Variants in ADAMTSL2 observed in about 807,000 individuals in gnomAD.
The protein encoded by ADAMTSL2 is ADAMTS like 2, also known as ADAMTS-like protein 2.
Under a neutral mutation model 117.0 loss-of-function variants are expected in ADAMTSL2, and 55 were observed. That is an observed-to-expected ratio of 0.47 (90% CI 0.38 to 0.59). The LOEUF is 0.59. Among genes scored for constraint, ADAMTSL2 ranks in the 20% least tolerant of loss-of-function variants. ADAMTSL2 has a pLI of 0.00. For synonymous variants in ADAMTSL2, 572 were observed against 566.4 expected (o/e 1.01, Z -0.14); for missense variants, 1,182 against 1,354.5 (o/e 0.87, Z 2.00).
chr9:133,565,834 C>T (rs956588200), intron 12 of ADAMTSL2, among the ~76,000 whole-genome samples: 4 of 145,098 alleles, frequency 2.8e-5, no homozygotes, highest in Admixed American at 7.1e-5. Flanking sequence ...GTCTGTCTCC[C>T]GTGGCCACAC....
intron 9 of ADAMTSL2, among the ~76,000 whole-genome samples, chr9:133,552,009 T>C (rs1243741135): frequency 6.6e-6 from 1 of 151,894 alleles, no homozygotes; most frequent in Non-Finnish European, 1.5e-5. Flanking sequence ...TTTGTACTTT[T>C]AGTAGAGATG....
At chr9:133,565,331 A>G (rs1236958529) in intron 12 of ADAMTSL2, among the ~76,000 whole-genome samples, 1 of 152,170 alleles carries the variant, frequency 6.6e-6, no homozygotes, top group Non-Finnish European at 1.5e-5. Context: ...ACGTCACCCC[A>G]GGGAGGCACT....
At position 133,539,783 on chromosome 9, in the gene ADAMTSL2, G is replaced by T; in HGVS notation, c.322G>T (p.Asp108Tyr). The T allele has an allele frequency of 6.7e-7, 1 of 1,497,394 alleles. No homozygotes were observed. The highest frequency in any genetic ancestry group is 8.9e-7 in the Non-Finnish European group (1 of 1,121,676). The allele number at this position is 1,497,394 out of a possible 1,614,324, so 92.8% of individuals were successfully genotyped here. The change falls in exon 5 of 19, where the codon GAC becomes TAC. Residue 108 changes from aspartate (D) to tyrosine (Y), a missense_variant. Physicochemically the swap from Asp to Tyr is radical, Grantham distance 160 (BLOSUM62 -3). This residue lies in a region of ADAMTSL2 where 372 missense variants were observed against 463.4 expected (regional missense o/e 0.80). Coordinates refer to ENST00000651351, the MANE Select transcript of ADAMTSL2 (RefSeq NM_014694.4). ...QLCRVQECPP[D>Y]GRSFREEQCV... Reference sequence around the variant, plus strand: ...CTTCGCTTCCCAGGAGTGTCCGCCGGACGGGAGGAGCTTCCGCGAGGAGCA... The same window carrying T: ...CTTCGCTTCCCAGGAGTGTCCGCCGTACGGGAGGAGCTTCCGCGAGGAGCA...
At chr9:133,564,896 C>T (rs1830927705) in intron 12 of ADAMTSL2, among the ~76,000 whole-genome samples, 8 of 152,230 alleles carry the variant, frequency 5.3e-5, no homozygotes, top group East Asian at 1.9e-4. Context: ...TCCTGTGCCT[C>T]GCAAGAACCC....
chr9:133,537,318 C>T (rs1049523796), intron 2 of ADAMTSL2, 87 bp from the exon 3 acceptor site: 27 of 1,289,590 alleles, frequency 2.1e-5, no homozygotes, highest in South Asian at 1.2e-4. Flanking sequence ...GTCCCGCTGA[C>T]GGTGATACCC....
chr9:133,532,219 C>T (rs1029302951), upstream of ADAMTSL2: 4 of 152,012 alleles, frequency 2.6e-5, no homozygotes, highest in Admixed American at 1.3e-4. Flanking sequence ...CTTTTTGAGA[C>T]GGAATCTCAC....
At chr9:133,546,423 G>T (rs116400389) in intron 8 of ADAMTSL2, among the ~76,000 whole-genome samples, 3,478 of 150,876 alleles carry the variant, frequency 0.023, 61 homozygotes, top group Middle Eastern at 0.088. Flanking sequence ...GGACCAGGCC[G>T]CCCTGGCCTG....
At chr9:133,562,931 G>T (rs1261488189) in intron 12 of ADAMTSL2, among the ~76,000 whole-genome samples, 22 of 91,206 alleles carry the variant, frequency 2.4e-4, no homozygotes, top group African/African-American at 3.5e-4. Flanking sequence ...GGTGGGCACC[G>T]GCTTGGCCAG....
In ADAMTSL2 at chr9:133,559,430, G is replaced by A. The variant is rs1316088869; in HGVS notation, c.1650-1768G>A. Among the ~76,000 whole-genome samples the A allele has an allele frequency of 3.5e-4, 47 of 133,402 alleles. No individual in the cohort carries two copies. In the East Asian group the frequency reaches 8.7e-3, roughly 25 times the overall value. 87.5% of individuals were successfully genotyped at this position (133,402 alleles called of 152,430 possible). A position where few individuals can be genotyped will look rare whatever the true frequency, so the allele number is the denominator to read the frequency against. On this transcript the variant is annotated intron_variant, in intron 11 of 18. Coordinates refer to ENST00000651351, the MANE Select transcript of ADAMTSL2 (RefSeq NM_014694.4). Reference sequence around the variant, plus strand: ...GTGATCTCGGCTCACTGCAAGCTCTGCCTCCCAGGTTCATGCCATTCTCTT... The same window carrying A: ...GTGATCTCGGCTCACTGCAAGCTCTACCTCCCAGGTTCATGCCATTCTCTT...
intron 9 of ADAMTSL2, among the ~76,000 whole-genome samples, chr9:133,549,858 T>A (rs900858603): frequency 5.3e-5 from 8 of 152,128 alleles, no homozygotes; most frequent in African/African-American, 1.9e-4. Flanking sequence ...CAAACCAAGG[T>A]CTCCAGACCA....
chr9:133,551,192 C>T (rs1490727442), intron 9 of ADAMTSL2, among the ~76,000 whole-genome samples: 2 of 152,166 alleles, frequency 1.3e-5, no homozygotes, highest in South Asian at 2.1e-4. Context: ...CTGGATGGGG[C>T]TTTAGTGAAG....
At chr9:133,571,739 G>A (rs1831111242) in intron 17 of ADAMTSL2, among the ~76,000 whole-genome samples, 1 of 152,210 alleles carries the variant, frequency 6.6e-6, no homozygotes. Context: ...GCAATGCCAT[G>A]AGCTTCTGAG....
Position 133,568,694 on chromosome 9 carries a change from T to A in ADAMTSL2, c.2180T>A (p.Val727Glu). The A allele has an allele frequency of 6.2e-7, 1 of 1,612,124 alleles. No individual in the cohort carries two copies. ...CTGTGTGACCCCAACACCAGGCCTG[T>A]AGGGGAGAAGAACTGCACGGGCCCG... ...EKLCDPNTRP[V>E]GEKNCTGPPC... Residue 727 changes from valine (V) to glutamate (E), a missense_variant, in exon 15 of 19, where the codon GTA becomes GAA. Transcript: ENST00000651351.
At chr9:133,569,332 T>C (rs1438154106) in intron 15 of ADAMTSL2, 76 bp from the exon 16 acceptor site, 2 of 1,507,686 alleles carry the variant, frequency 1.3e-6, no homozygotes, top group Admixed American at 3.6e-5. Flanking sequence ...TCCTCTCCCT[T>C]GGGACTGACA....
chr9:133,556,018 G>T, intron 11 of ADAMTSL2, 88 bp downstream of exon 11: 5 of 1,530,144 alleles, frequency 3.3e-6, no homozygotes, highest in South Asian at 2.4e-5. Flanking sequence ...CCCACTGGGG[G>T]GGTCTGGCCA....
intron 7 of ADAMTSL2, 44 bp from the exon 8 acceptor site, chr9:133,544,426 C>A (rs747571718): frequency 2.6e-6 from 4 of 1,533,578 alleles, no homozygotes; most frequent in East Asian, 2.2e-5. Flanking sequence ...CCCAAGGCTG[C>A]CTTTCCAATC....
At chr9:133,564,963 G>A (rs1450966915) in intron 12 of ADAMTSL2, among the ~76,000 whole-genome samples, 1 of 152,198 alleles carries the variant, frequency 6.6e-6, no homozygotes, top group East Asian at 1.9e-4. Flanking sequence ...CTTTGGCCGC[G>A]GTGGGGAAGC....
chr9:133,544,355 T>C (rs1428040373), intron 7 of ADAMTSL2, 115 bp from the exon 8 acceptor site: 2 of 897,250 alleles, frequency 2.2e-6, no homozygotes, highest in East Asian at 2.4e-5. Context: ...GTGTGGGGGT[T>C]GGGCCAGCCC....
chr9:133,539,233 G>C (rs1564492969), intron 4 of ADAMTSL2, among the ~76,000 whole-genome samples: 1 of 152,204 alleles, frequency 6.6e-6, no homozygotes, highest in African/African-American at 2.4e-5. Context: ...TCCAGCATGA[G>C]AGGGACCCAG....
Sources: gnomAD v4.1 joint callset for allele counts (sites outside exome capture counted in the v4.1 genomes callset) on GRCh38, gnomAD v4.1.1 for gene constraint, gnomAD v4.1.1 regional missense constraint, MANE v1.5 for transcripts, NCBI Gene and HGNC (gene_info 2026-07-23, HGNC 2026-07-21) for gene names.